OSBPL3: variants seen among roughly 807,000 people sequenced by gnomAD.
OSBPL3 encodes the protein oxysterol binding protein like 3.
Under a neutral mutation model 120.1 loss-of-function variants are expected in OSBPL3, and 65 were observed. That is an observed-to-expected ratio of 0.54 (90% CI 0.44 to 0.67). The LOEUF is 0.67. Ranked by LOEUF, OSBPL3 falls within the 30% of genes least tolerant of loss-of-function variation. The probability of loss-of-function intolerance (pLI) is 0.00; values close to 1 mark genes in which losing one functional copy is unlikely to be tolerated. For synonymous variants in OSBPL3, 416 were observed against 402.6 expected (o/e 1.03, Z -0.40); for missense variants, 1,004 against 1,082.1 (o/e 0.93, Z 1.01).
chr7:24,830,827 G>A lies in OSBPL3; in HGVS notation c.1825C>T (p.Leu609Phe), dbSNP rs755327472. The change falls in exon 16 of 23, where the codon CTT becomes TTT. Residue 609 changes from leucine to phenylalanine, a missense_variant. Leu to Phe is a conservative substitution (Grantham distance 22). Transcript: ENST00000313367. This position sits in a 1 kb window ranked among gnomAD's most constrained non-coding sequence, Gnocchi z 4.4. ...CGAATACATTCATATGTTTCTCCAA[G>A]AACCGGATTAAATGGCTTGCTTCCA... ...RAGSKPFNPV[L>F]GETYECIRED... 6.2e-7 allele frequency: 1 copy of A among 1,614,072 alleles called. No individual in the cohort carries two copies. The highest frequency in any genetic ancestry group is 8.5e-7 in the Non-Finnish European group (1 of 1,179,998).
At chr7:24,842,166 A>T in intron 13 of OSBPL3, 113 bp downstream of exon 13, 1 of 1,106,492 alleles carries the variant, frequency 9.0e-7, no homozygotes, top group Non-Finnish European at 1.3e-6. Context: ...CATAATGACT[A>T]CAAAGGGCAA....
At chr7:24,917,403 T>C (rs890962280) in intron 1 of OSBPL3, among the ~76,000 whole-genome samples, 4 of 76,100 alleles carry the variant, frequency 5.3e-5, no homozygotes, top group African/African-American at 2.6e-4. Flanking sequence ...ATTTGTAACA[T>C]ATATATATAT....
Position 24,939,732 on chromosome 7 carries a change from AT to A in OSBPL3, c.-150+40153del, listed in dbSNP as rs1258160745. Among the ~76,000 whole-genome samples, 33 of 152,190 alleles carry A rather than the reference AT, an allele frequency of 2.2e-4. No homozygotes were observed. The highest frequency in any genetic ancestry group is 2.2e-3 in the Admixed American group (33 of 15,276). On this transcript the variant is annotated intron_variant, in intron 1 of 22. Coordinates refer to ENST00000313367, the MANE Select transcript of OSBPL3 (RefSeq NM_015550.4). The surrounding 1 kb of genome is among the most constrained non-coding windows in gnomAD (Gnocchi z 4.2). ...TCAAACATTAACAGGCCAAAATGTC[AT>A]CAAGAGGCCTTGGGAGACAGTGAAG...
Position 24,863,421 on chromosome 7 carries a change from T to C in OSBPL3, c.777+75A>G. On this transcript the variant is annotated intron_variant, in intron 8 of 22. Coordinates refer to ENST00000313367, the MANE Select transcript of OSBPL3 (RefSeq NM_015550.4). The surrounding 1 kb of genome is among the most constrained non-coding windows in gnomAD (Gnocchi z 5.8). ...GAAGCAACTGACCACAGCATCCCAC[T>C]GTTAGTGAAAGGCTGGGAGGAGAAA... 7.2e-7 allele frequency: 1 copy of C among 1,398,476 alleles called. No homozygotes were observed. The highest frequency in any genetic ancestry group is 2.3e-5 in the East Asian group (1 of 43,834). 86.6% of individuals were successfully genotyped at this position (1,398,476 alleles called of 1,614,324 possible).
chr7:24,902,418 T>G (rs966434774), intron 1 of OSBPL3, among the ~76,000 whole-genome samples: 1 of 152,160 alleles, frequency 6.6e-6, no homozygotes, highest in African/African-American at 2.4e-5. Context: ...AAAACACACA[T>G]TCTGTTCCAT....
chr7:24,975,458 A>C (rs1563028691), intron 1 of OSBPL3, among the ~76,000 whole-genome samples: 1 of 152,244 alleles, frequency 6.6e-6, no homozygotes, highest in Non-Finnish European at 1.5e-5. Context: ...GAAAACTAGA[A>C]AACAAAATGT....
chr7:24,911,659 G>A (rs572639295), intron 1 of OSBPL3, among the ~76,000 whole-genome samples: 83 of 152,234 alleles, frequency 5.5e-4, no homozygotes, highest in African/African-American at 2.0e-3. Flanking sequence ...AAGTCCCCAA[G>A]ATATATTTTG....
At chr7:24,971,401 C>T (rs1237020343) in intron 1 of OSBPL3, among the ~76,000 whole-genome samples, 2 of 152,206 alleles carry the variant, frequency 1.3e-5, no homozygotes, top group African/African-American at 4.8e-5. Flanking sequence ...GCTGGAGAGG[C>T]AAGCCCGGGC....
intron 1 of OSBPL3, among the ~76,000 whole-genome samples, chr7:24,941,249 A>G (rs1380056827): frequency 6.6e-6 from 1 of 152,228 alleles, no homozygotes; most frequent in Admixed American, 6.5e-5. Context: ...CTACTATCAG[A>G]TAACTCCTCC....
In OSBPL3 at chr7:24,918,459, G is replaced by C. The variant is rs908364860; in HGVS notation, c.-149-25838C>G. Among the ~76,000 whole-genome samples, 1 of 152,196 alleles carries C rather than the reference G, an allele frequency of 6.6e-6. No individual in the cohort carries two copies. The highest frequency in any genetic ancestry group is 2.4e-5 in the African/African-American group (1 of 41,444). On this transcript the variant is annotated intron_variant, in intron 1 of 22. Transcript: ENST00000313367. The surrounding 1 kb of genome is among the most constrained non-coding windows in gnomAD (Gnocchi z 4.3). The stretch of plus-strand genomic sequence containing the variant: ...TTTGGAAGAAAGAAGTGCCACTCGA[G>C]AGAGTTAAAACACTAAGTCAGCTGG...
chr7:24,980,110 C>T lies in OSBPL3; in HGVS notation c.-374G>A, dbSNP rs960418879. On this transcript the variant is annotated 5_prime_UTR_variant, in exon 1 of 23. Transcript: ENST00000313367. ...ACCGGCCGCGAAGCGCTCAAGTCCC[C>T]TCTCCCGGGCCGGCTGGCGGGCGCC... is the stretch of plus-strand genomic sequence containing the variant. 2 of 948,694 alleles carry T rather than the reference C, an allele frequency of 2.1e-6. No individual in the cohort carries two copies. Among genetic ancestry groups the T allele is most frequent in the Admixed American group, 6.2e-5 (1 of 16,212 alleles). The allele number at this position is 948,694 out of a possible 1,614,324, so 58.8% of individuals were successfully genotyped here.
chr7:24,897,368 C>T (rs571339592), intron 1 of OSBPL3, among the ~76,000 whole-genome samples: 46 of 145,534 alleles, frequency 3.2e-4, no homozygotes, highest in Non-Finnish European at 3.7e-4. Flanking sequence ...CTCTGTCGCC[C>T]AGGCTGGAGT....
At chr7:24,857,089 C>T (rs1234963053) in intron 10 of OSBPL3, among the ~76,000 whole-genome samples, 1 of 152,146 alleles carries the variant, frequency 6.6e-6, no homozygotes, top group Non-Finnish European at 1.5e-5. Flanking sequence ...TTGTAACACA[C>T]TTGGCTTTTT....
intron 12 of OSBPL3, among the ~76,000 whole-genome samples, chr7:24,847,059 CA>C (rs10712873): frequency 0.41 from 43,473 of 105,814 alleles, 6,081 homozygotes; most frequent in Middle Eastern, 0.5. Flanking sequence ...GACTCTGTCT[CA>C]AAAAAAAAAA....
At chr7:24,950,641 G>A (rs1055351908) in intron 1 of OSBPL3, among the ~76,000 whole-genome samples, 3 of 152,226 alleles carry the variant, frequency 2.0e-5, no homozygotes, top group Admixed American at 6.5e-5. Flanking sequence ...AGAATGGCAC[G>A]AACCCAAGAG....
Position 24,815,015 on chromosome 7 carries a change from CACAGCCCTTCCAGGGTCAGAGCTCA to C in OSBPL3, c.2172+19_2172+43del, listed in dbSNP as rs1452435618. The stretch of plus-strand genomic sequence containing the variant: ...CTGTGCTCTGGGGCCCTGGCTCTGC[CACAGCCCTTCCAGGGTCAGAGCTCA>C]GAGAGTCACTGGAGTTACCTTTATA... On this transcript the variant is annotated intron_variant, in intron 19 of 22. Coordinates refer to ENST00000313367, the MANE Select transcript of OSBPL3 (RefSeq NM_015550.4). This position sits in a 1 kb window ranked among gnomAD's most constrained non-coding sequence, Gnocchi z 5.1. 1 of 1,605,726 alleles carries C rather than the reference CACAGCCCTTCCAGGGTCAGAGCTCA, an allele frequency of 6.2e-7. No individual in the cohort carries two copies. The highest frequency in any genetic ancestry group is 1.1e-5 in the South Asian group (1 of 90,684).
rs1339743571 is a variant in OSBPL3, at chr7:24,800,492, T to C, written c.2568-213A>G. On this transcript the variant is annotated intron_variant, in intron 22 of 22. Coordinates refer to ENST00000313367, the MANE Select transcript of OSBPL3 (RefSeq NM_015550.4). Reference sequence around the variant, plus strand: ...TTTTTTTTGAGATGGAGGCTCGCTCTGTCATCCAGGCTGGAGTGTAGTGGC... The same window carrying C: ...TTTTTTTTGAGATGGAGGCTCGCTCCGTCATCCAGGCTGGAGTGTAGTGGC... Among the ~76,000 whole-genome samples the C allele has an allele frequency of 4.7e-5, 7 of 148,248 alleles. No homozygotes were observed. The East Asian group carries it at 1.4e-3, about 30-fold the overall frequency.
rs1319247147 is a variant in OSBPL3 at position 24,881,695 on chromosome 7, G to A, written c.97-9626C>T. On this transcript the variant is annotated intron_variant, in intron 2 of 22. Coordinates refer to ENST00000313367, the MANE Select transcript of OSBPL3 (RefSeq NM_015550.4). The surrounding 1 kb of genome is among the most constrained non-coding windows in gnomAD (Gnocchi z 4.3). ...CTTAGATTCCTGAGGCCAACTTGAT[G>A]AGCAGTCACAAACTTTGGTGGCTTA... is the stretch of plus-strand genomic sequence containing the variant. Among the ~76,000 whole-genome samples the A allele has an allele frequency of 2.6e-5, 4 of 152,200 alleles. No homozygotes were observed. The highest frequency in any genetic ancestry group is 2.9e-5 in the Non-Finnish European group (2 of 68,038).
At chr7:24,981,170 A>G (rs1818298742), upstream of OSBPL3, among the ~76,000 whole-genome samples, 1 of 152,204 alleles carries the variant, frequency 6.6e-6, no homozygotes, top group Non-Finnish European at 1.5e-5. The surrounding 1 kb of genome is among the most constrained non-coding windows in gnomAD (Gnocchi z 7.3). Context: ...TGCAAAAAAT[A>G]AAAGGCTGAC....
Sources: allele counts gnomAD v4.1 joint callset (sites outside exome capture counted in the v4.1 genomes callset), GRCh38; gene constraint gnomAD v4.1.1; non-coding constraint Gnocchi (gnomAD v3.1); transcripts MANE v1.5; gene names NCBI Gene and HGNC (gene_info 2026-07-23, HGNC 2026-07-21).